TACR3: variants seen among roughly 807,000 people sequenced by gnomAD.
TACR3 encodes the protein tachykinin receptor 3.
In TACR3, 34 loss-of-function variants were observed where a neutral mutation model predicts 35.0. That is an observed-to-expected ratio of 0.97 (90% CI 0.74 to 1.30). TACR3 has a LOEUF of 1.30. Among genes scored for constraint, TACR3 ranks in the 50% most tolerant of loss-of-function variants. TACR3 has a pLI of 0.00. For missense variants in TACR3, 558 were observed against 591.7 expected (o/e 0.94, Z 0.59); for synonymous variants, 233 against 221.1 (o/e 1.05, Z -0.48).
intron 3 of TACR3, among the ~76,000 whole-genome samples, chr4:103,632,519 C>T (rs145527604): frequency 1.5e-3 from 218 of 149,654 alleles, no homozygotes; most frequent in African/African-American, 5.0e-3. Flanking sequence ...AGGAGAACAA[C>T]ATACAGCAGG....
intron 1 of TACR3, among the ~76,000 whole-genome samples, chr4:103,686,742 C>A (rs1485566283): frequency 6.6e-6 from 1 of 152,062 alleles, no homozygotes; most frequent in African/African-American, 2.4e-5. Flanking sequence ...AATGCAGCCA[C>A]CATTAATACG....
rs757975317 is a variant in TACR3, at chr4:103,658,265, G to T, written c.687C>A (p.Gly229=). ...GCCATTGCACAAAGCAGAGAGTACGGCCTGGCATGACTTTGGTTTTGGAAT... is the reference window on the plus strand; with the variant it reads ...GCCATTGCACAAAGCAGAGAGTACGTCCTGGCATGACTTTGGTTTTGGAAT... The part of the protein sequence containing the change: ...CLYSKTKVMP[G]RTLCFVQWPE... Residue 229 remains glycine, a synonymous_variant, in exon 2 of 5, where the codon GGC becomes GGA. Coordinates refer to ENST00000304883, the MANE Select transcript of TACR3 (RefSeq NM_001059.3). The T allele has an allele frequency of 3.1e-6, 5 of 1,613,864 alleles. No homozygotes were observed. The highest frequency in any genetic ancestry group is 2.7e-5 in the African/African-American group (2 of 74,918).
chr4:103,697,911 C>T (rs1722559982), intron 1 of TACR3, among the ~76,000 whole-genome samples: 2 of 152,136 alleles, frequency 1.3e-5, no homozygotes, highest in Admixed American at 1.3e-4. Flanking sequence ...TTCACTCCTC[C>T]TCTTTAAAGG....
At chr4:103,663,402 G>A (rs886571092) in intron 1 of TACR3, among the ~76,000 whole-genome samples, 1 of 152,208 alleles carries the variant, frequency 6.6e-6, no homozygotes, top group Non-Finnish European at 1.5e-5. Context: ...GTTGAGGTAT[G>A]AGCATCTCTT....
At chr4:103,608,934 A>C (rs1037001151) in intron 3 of TACR3, among the ~76,000 whole-genome samples, 2 of 152,116 alleles carry the variant, frequency 1.3e-5, no homozygotes, top group Non-Finnish European at 2.9e-5. Flanking sequence ...ATTCTGAATA[A>C]ATATTTGTAA....
chr4:103,654,838 G>A (rs1159332533), intron 3 of TACR3, among the ~76,000 whole-genome samples: 3 of 152,002 alleles, frequency 2.0e-5, no homozygotes, highest in Admixed American at 2.0e-4. Context: ...ATTATCCCAA[G>A]AAAAGAGTAT....
chr4:103,638,454 G>T (rs1271762263), intron 3 of TACR3, among the ~76,000 whole-genome samples: 2 of 151,948 alleles, frequency 1.3e-5, no homozygotes, highest in African/African-American at 4.8e-5. Context: ...ATGGATTAAA[G>T]ACTTACATGT....
chr4:103,601,670 TC>T (rs938345243), intron 3 of TACR3, among the ~76,000 whole-genome samples: 2 of 152,198 alleles, frequency 1.3e-5, no homozygotes, highest in Non-Finnish European at 2.9e-5. Flanking sequence ...GATATGAAAT[TC>T]TGGGATGAAA....
At chr4:103,596,404 C>T (rs1174006415) in intron 3 of TACR3, among the ~76,000 whole-genome samples, 1 of 151,800 alleles carries the variant, frequency 6.6e-6, no homozygotes, top group African/African-American at 2.4e-5. Context: ...ACATCCTCTC[C>T]AGCACCTGTT....
At position 103,658,254 on chromosome 4, in the gene TACR3, C is replaced by G. The variant is rs1337124654; in HGVS notation, c.698G>C (p.Cys233Ser). The G allele has an allele frequency of 6.2e-7, 1 of 1,613,908 alleles. No homozygotes were observed. Among genetic ancestry groups the G allele is most frequent in the Admixed American group, 1.7e-5 (1 of 59,970 alleles). The change falls in exon 2 of 5, where the codon TGC becomes TCC. Residue 233 changes from cysteine to serine, a missense_variant. Transcript: ENST00000304883. ...KTKVMPGRTL[C>S]FVQWPEGPKQ... ...GGGACCTTCTGGCCATTGCACAAAG[C>G]AGAGAGTACGGCCTGGCATGACTTT...
chr4:103,628,214 C>T (rs749977430), intron 3 of TACR3, among the ~76,000 whole-genome samples: 5 of 151,966 alleles, frequency 3.3e-5, no homozygotes, highest in African/African-American at 1.2e-4. Flanking sequence ...AAATCAACAC[C>T]CTAACATTAC....
chr4:103,665,783 A>C (rs935707952), intron 1 of TACR3, among the ~76,000 whole-genome samples: 1 of 152,148 alleles, frequency 6.6e-6, no homozygotes, highest in Non-Finnish European at 1.5e-5. Context: ...CATGATTTTT[A>C]AAGTTACCAA....
At chr4:103,680,131 G>C (rs1375983082) in intron 1 of TACR3, among the ~76,000 whole-genome samples, 3 of 151,366 alleles carry the variant, frequency 2.0e-5, no homozygotes, top group Non-Finnish European at 4.4e-5. Flanking sequence ...TGCTTTTGAG[G>C]GTTTCATCAC....
chr4:103,714,737 G>A (rs1257189599), intron 1 of TACR3, among the ~76,000 whole-genome samples: 1 of 152,026 alleles, frequency 6.6e-6, no homozygotes. Flanking sequence ...TCAAATTAAA[G>A]ACCGAAAAAG....
At chr4:103,678,437 T>C (rs1337417945) in intron 1 of TACR3, among the ~76,000 whole-genome samples, 3 of 152,144 alleles carry the variant, frequency 2.0e-5, no homozygotes, top group African/African-American at 4.8e-5. Flanking sequence ...AACTTCAAAA[T>C]TCAGATAACA....
At chr4:103,596,150 T>C (rs1352029766) in intron 3 of TACR3, among the ~76,000 whole-genome samples, 5 of 148,150 alleles carry the variant, frequency 3.4e-5, no homozygotes, top group Non-Finnish European at 7.5e-5. Flanking sequence ...CAGTCTATCA[T>C]TGTTGGACAT....
At chr4:103,671,716 CTT>C (rs1178417455) in intron 1 of TACR3, among the ~76,000 whole-genome samples, 1 of 151,902 alleles carries the variant, frequency 6.6e-6, no homozygotes, top group Non-Finnish European at 1.5e-5. Context: ...GTTTGGTTGT[CTT>C]TTCAAAAAAG....
intron 3 of TACR3, among the ~76,000 whole-genome samples, chr4:103,605,535 T>C (rs1207948501): frequency 1.3e-5 from 2 of 149,546 alleles, no homozygotes; most frequent in African/African-American, 4.9e-5. Context: ...TGGTGTGAGA[T>C]AGTATCTCAT....
At chr4:103,601,028 T>C (rs1319047830) in intron 3 of TACR3, among the ~76,000 whole-genome samples, 1 of 152,156 alleles carries the variant, frequency 6.6e-6, no homozygotes, top group Non-Finnish European at 1.5e-5. Flanking sequence ...TAACTTTCTC[T>C]CGTTGATCTG....
Sources: allele counts gnomAD v4.1 joint callset (sites outside exome capture counted in the v4.1 genomes callset), GRCh38; gene constraint gnomAD v4.1.1; transcripts MANE v1.5; gene names NCBI Gene and HGNC (gene_info 2026-07-23, HGNC 2026-07-21).